The following TOR3A variants were observed in gnomAD, a reference collection of about 807,000 sequenced individuals.
TOR3A encodes the protein torsin-3A.
A neutral mutation model predicts 42.1 loss-of-function variants in TOR3A; 44 were observed. The ratio of observed to expected loss-of-function variants is 1.04; its 90% CI spans 0.82 to 1.34. The LOEUF is 1.34. Ranked by LOEUF, TOR3A falls within the 40% of genes most tolerant of loss-of-function variation. The probability of loss-of-function intolerance (pLI) is 0.00; values close to 1 mark genes in which losing one functional copy is unlikely to be tolerated. For missense variants in TOR3A, 521 were observed against 507.6 expected (o/e 1.03, Z -0.25); for synonymous variants, 227 against 213.2 (o/e 1.06, Z -0.57).
Position 179,095,807 on chromosome 1 carries a change from G to A in TOR3A, c.*589G>A, listed in dbSNP as rs1358753214. ...AGCTGCTTCTGTTGTGAGCGAATCA[G>A]CCAAGAGCCTGAGGCTGAAGGGAAA... On this transcript the variant is annotated 3_prime_UTR_variant, in exon 6 of 6. Transcript: ENST00000367627. 10 of 986,904 alleles carry A rather than the reference G, an allele frequency of 1.0e-5. No homozygotes were observed. Among genetic ancestry groups the A allele is most frequent in the Non-Finnish European group, 1.2e-5 (10 of 831,262 alleles). 61.1% of individuals were successfully genotyped at this position (986,904 alleles called of 1,614,324 possible).
rs754775008 is a variant in TOR3A at position 179,095,261 on chromosome 1, C to T, written c.*43C>T. On this transcript the variant is annotated 3_prime_UTR_variant, in exon 6 of 6. Transcript: ENST00000367627. ...CCTGGAACTGCCTTTCTTCCACTAA[C>T]AGGACCCTGGGACCTGTAGGAGCAC... The T allele has an allele frequency of 1.1e-5, 17 of 1,609,700 alleles. No individual in the cohort carries two copies. The highest frequency in any genetic ancestry group is 1.3e-5 in the Non-Finnish European group (15 of 1,178,240).
chr1:179,083,741 G>A (rs972155236), intron 2 of TOR3A, among the ~76,000 whole-genome samples: 2 of 152,062 alleles, frequency 1.3e-5, no homozygotes, highest in Non-Finnish European at 2.9e-5. Context: ...TGGGTTGCTT[G>A]ATTTGCATAT....
chr1:179,082,888 C>A, intron 1 of TOR3A, 52 bp from the exon 2 acceptor site: 1 of 1,261,128 alleles, frequency 7.9e-7, no homozygotes, highest in Non-Finnish European at 1.1e-6. Flanking sequence ...TGCCGCATCA[C>A]TGTAGAGCAC....
intron 4 of TOR3A, among the ~76,000 whole-genome samples, chr1:179,090,283 T>A (rs976763547): frequency 6.6e-6 from 1 of 152,222 alleles, no homozygotes; most frequent in East Asian, 1.9e-4. Flanking sequence ...GAGCCAGAGG[T>A]TCCCCCCTCC....
chr1:179,087,821 C>T lies in TOR3A; in HGVS notation c.640-90C>T, dbSNP rs1017766148. 7 of 1,278,290 alleles carry T rather than the reference C, an allele frequency of 5.5e-6. No individual in the cohort carries two copies. The African/African-American group carries it at 1.1e-4, about 19-fold the overall frequency. The allele number at this position is 1,278,290 out of a possible 1,614,324, so 79.2% of individuals were successfully genotyped here. A position where few individuals can be genotyped will look rare whatever the true frequency, so the allele number is the denominator to read the frequency against. On this transcript the variant is annotated intron_variant, in intron 3 of 5. Transcript: ENST00000367627. The stretch of plus-strand genomic sequence containing the variant: ...GGTGGGGAACCCAGCCCCAGGGGGT[C>T]CATTGCACATGCCCAGGGGAAACCA...
At chr1:179,093,963 G>T (rs1652664118) in intron 4 of TOR3A, 130 bp from the exon 5 acceptor site, 2 of 1,201,942 alleles carry the variant, frequency 1.7e-6, no homozygotes, top group Middle Eastern at 2.5e-4. Flanking sequence ...AGGTCTCCTG[G>T]AAGAGAGAGA....
intron 4 of TOR3A, among the ~76,000 whole-genome samples, chr1:179,090,955 T>C (rs756905014): frequency 2.6e-5 from 4 of 151,896 alleles, no homozygotes; most frequent in East Asian, 1.9e-4. Context: ...ATTTGTGGAG[T>C]CGTGGTGGGC....
chr1:179,083,926 G>A (rs1215669201), intron 2 of TOR3A, among the ~76,000 whole-genome samples: 1 of 152,068 alleles, frequency 6.6e-6, no homozygotes, highest in Non-Finnish European at 1.5e-5. Context: ...CAGATATTTA[G>A]GTCACTTAAT....
In TOR3A at chr1:179,082,407, G is replaced by A. The variant is rs1652314186; in HGVS notation, c.259+20G>A. The A allele has an allele frequency of 6.3e-7, 1 of 1,586,852 alleles. No individual in the cohort carries two copies. Among genetic ancestry groups the A allele is most frequent in the African/African-American group, 1.4e-5 (1 of 73,100 alleles). On this transcript the variant is annotated intron_variant, in intron 1 of 5. Coordinates refer to ENST00000367627, the MANE Select transcript of TOR3A (RefSeq NM_022371.4). ...CCCTGGGTAAGACCCCGTCCCCACG[G>A]TCCGCCGTTCGCTGCGGAGCAGAGT...
In TOR3A at chr1:179,095,143, C is replaced by A. The variant is rs200430738; in HGVS notation, c.1119C>A (p.Val373=). The change falls in exon 6 of 6, where the codon GTC becomes GTA. Residue 373 remains valine (V), a synonymous_variant. Transcript: ENST00000367627. ...AAATAGCCCAGATGATGGTGTATGT[C>A]CCCAAGGAGGAACAACTCTTTTCTT... ...LDEIAQMMVY[V]PKEEQLFSSQ... 6.2e-7 allele frequency: 1 copy of A among 1,614,170 alleles called. No homozygotes were observed. Among genetic ancestry groups the A allele is most frequent in the African/African-American group, 1.3e-5 (1 of 75,058 alleles).
intron 2 of TOR3A, 99 bp from the exon 3 acceptor site, chr1:179,085,529 G>A (rs765322211): frequency 3.9e-5 from 58 of 1,478,338 alleles, no homozygotes; most frequent in Non-Finnish European, 4.7e-5. Flanking sequence ...GATTCCACCC[G>A]AGAGAGATTC....
intron 4 of TOR3A, among the ~76,000 whole-genome samples, chr1:179,091,262 T>C (rs1308854292): frequency 1.3e-5 from 2 of 152,248 alleles, no homozygotes; most frequent in East Asian, 3.9e-4. Context: ...AGAGGTGCCC[T>C]CTGGCCCCTC....
intron 4 of TOR3A, among the ~76,000 whole-genome samples, chr1:179,091,324 G>A (rs1171491828): frequency 1.3e-5 from 2 of 152,224 alleles, no homozygotes; most frequent in African/African-American, 2.4e-5. Context: ...CTGTGGAAGG[G>A]AATTGAGGTG....
At chr1:179,087,823 A>G in intron 3 of TOR3A, 88 bp from the exon 4 acceptor site, 1 of 1,337,710 alleles carries the variant, frequency 7.5e-7, no homozygotes, top group Non-Finnish European at 1.0e-6. Flanking sequence ...CAGGGGGTCC[A>G]TTGCACATGC....
chr1:179,082,462 C>A, intron 1 of TOR3A, 75 bp downstream of exon 1: 1 of 1,502,202 alleles, frequency 6.7e-7, no homozygotes, highest in Non-Finnish European at 8.9e-7. Flanking sequence ...GGTCGCCTCG[C>A]TCCTGTCCGG....
chr1:179,095,812 G>C lies in TOR3A; in HGVS notation c.*594G>C. On this transcript the variant is annotated 3_prime_UTR_variant, in exon 6 of 6. Transcript: ENST00000367627. ...CTTCTGTTGTGAGCGAATCAGCCAA[G>C]AGCCTGAGGCTGAAGGGAAAAGTAC... 2.0e-6 allele frequency: 2 copies of C among 987,154 alleles called. No individual in the cohort carries two copies. Among genetic ancestry groups the C allele is most frequent in the Non-Finnish European group, 2.4e-6 (2 of 831,300 alleles). The allele number at this position is 987,154 out of a possible 1,614,324, so 61.1% of individuals were successfully genotyped here.
At chr1:179,091,306 C>G (rs1652575320) in intron 4 of TOR3A, among the ~76,000 whole-genome samples, 4 of 152,112 alleles carry the variant, frequency 2.6e-5, no homozygotes, top group Admixed American at 2.0e-4. Flanking sequence ...AGCAGATGAG[C>G]TGGGAGGCTG....
intron 2 of TOR3A, among the ~76,000 whole-genome samples, chr1:179,083,398 CT>C (rs530697099): frequency 5.0e-4 from 73 of 145,090 alleles, no homozygotes; most frequent in Admixed American, 4.1e-4. Context: ...CCTTTCTTTT[CT>C]TTTTTTTTTT....
In TOR3A at chr1:179,082,974, G is replaced by A; in HGVS notation, c.294G>A (p.Leu98=). Residue 98 remains leucine (L), a synonymous_variant, in exon 2 of 6, where the codon CTG becomes CTA. Transcript: ENST00000367627. ...WRLPLLGQRY[L]DLLTTWYCSF... Reference sequence around the variant, plus strand: ...TTCCTCTGTTGGGCCAGCGGTACCTGGACCTCCTGACCACGTGGTACTGCA... The same window carrying A: ...TTCCTCTGTTGGGCCAGCGGTACCTAGACCTCCTGACCACGTGGTACTGCA... 1 of 1,588,824 alleles carries A rather than the reference G, an allele frequency of 6.3e-7. No homozygotes were observed. Among genetic ancestry groups the A allele is most frequent in the Non-Finnish European group, 8.6e-7 (1 of 1,168,252 alleles).
Sources: gnomAD v4.1 joint callset for allele counts (sites outside exome capture counted in the v4.1 genomes callset) on GRCh38, gnomAD v4.1.1 for gene constraint, MANE v1.5 for transcripts, NCBI Gene and HGNC (gene_info 2026-07-23, HGNC 2026-07-21) for gene names.